ZCCHC7: variants seen among roughly 807,000 people sequenced by gnomAD.
ZCCHC7 encodes the protein zinc finger CCHC domain-containing protein 7.
In ZCCHC7, 35 loss-of-function variants were observed where a neutral mutation model predicts 52.0. The observed-to-expected ratio is 0.67, with a 90% confidence interval of 0.51 to 0.89. The LOEUF is 0.89. Ranked by LOEUF, ZCCHC7 falls within the 40% of genes least tolerant of loss-of-function variation. ZCCHC7 has a pLI of 0.00. For missense variants in ZCCHC7, 574 were observed against 649.1 expected (o/e 0.88, Z 1.26); for synonymous variants, 217 against 221.5 (o/e 0.98, Z 0.18).
At chr9:37,152,475 G>T (rs1284981616) in intron 2 of ZCCHC7, among the ~76,000 whole-genome samples, 2 of 151,916 alleles carry the variant, frequency 1.3e-5, no homozygotes, top group African/African-American at 2.4e-5. Flanking sequence ...ATCCTGTTCA[G>T]GACACCACAT....
chr9:37,271,781 G>A (rs968015658), intron 2 of ZCCHC7, among the ~76,000 whole-genome samples: 8 of 152,112 alleles, frequency 5.3e-5, no homozygotes, highest in Non-Finnish European at 1.2e-4. Context: ...TGTTGGCCAG[G>A]CTGGTCTCAA....
At chr9:37,254,721 T>C (rs1826491801) in intron 2 of ZCCHC7, among the ~76,000 whole-genome samples, 1 of 151,970 alleles carries the variant, frequency 6.6e-6, no homozygotes, top group Non-Finnish European at 1.5e-5. Context: ...CCAAAATGCT[T>C]GGGACCAGAA....
chr9:37,137,999 T>C (rs1843070059), intron 2 of ZCCHC7, among the ~76,000 whole-genome samples: 1 of 152,206 alleles, frequency 6.6e-6, no homozygotes. Context: ...GGCCACATGC[T>C]AGAATTCCAG....
In ZCCHC7 at chr9:37,320,016, G is replaced by C. The variant is rs1291499164; in HGVS notation, c.952-7783G>C. ...ATATGTCTTGTTGCCAATGCCATATGGTCTTGATTACTATAGTTTTATAGT... is the reference window on the plus strand; with the variant it reads ...ATATGTCTTGTTGCCAATGCCATATCGTCTTGATTACTATAGTTTTATAGT... On this transcript the variant is annotated intron_variant, in intron 5 of 8. Coordinates refer to ENST00000336755, the MANE Select transcript of ZCCHC7 (RefSeq NM_032226.3). 2.0e-5 allele frequency among the ~76,000 whole-genome samples: 3 copies of C among 152,244 alleles called. No homozygotes were observed. The South Asian group carries it at 6.2e-4, about 32-fold the overall frequency.
chr9:37,257,827 C>T (rs1826663992), intron 2 of ZCCHC7, among the ~76,000 whole-genome samples: 1 of 152,172 alleles, frequency 6.6e-6, no homozygotes, highest in Non-Finnish European at 1.5e-5. Context: ...CCTGAGCCCT[C>T]ACTAGAAGCT....
chr9:37,120,386 C>T (rs996627251), upstream of ZCCHC7, among the ~76,000 whole-genome samples: 1 of 152,210 alleles, frequency 6.6e-6, no homozygotes, highest in African/African-American at 2.4e-5. Context: ...GCAAGGAAGG[C>T]AAACCTAATA....
intron 2 of ZCCHC7, among the ~76,000 whole-genome samples, chr9:37,280,562 A>G (rs961421502): frequency 2.2e-4 from 33 of 152,210 alleles, no homozygotes; most frequent in African/African-American, 8.0e-4. Context: ...ATCAATAACA[A>G]AAAATCTGGA....
At chr9:37,196,741 T>G (rs1225240325) in intron 2 of ZCCHC7, among the ~76,000 whole-genome samples, 3 of 152,154 alleles carry the variant, frequency 2.0e-5, no homozygotes, top group Non-Finnish European at 4.4e-5. Context: ...TATATAAATA[T>G]TTGATTAAAA....
chr9:37,330,011 T>C (rs1830394245), intron 6 of ZCCHC7, among the ~76,000 whole-genome samples: 1 of 151,972 alleles, frequency 6.6e-6, no homozygotes, highest in Admixed American at 6.6e-5. Flanking sequence ...GAGATGTTTA[T>C]ATTTGGGAGC....
chr9:37,313,260 A>C (rs1224351685), intron 5 of ZCCHC7, among the ~76,000 whole-genome samples: 4 of 152,156 alleles, frequency 2.6e-5, no homozygotes, highest in Non-Finnish European at 4.4e-5. Flanking sequence ...AGGCTTACCA[A>C]ATGTTTATTT....
chr9:37,321,259 A>ATT (rs1830043141), intron 5 of ZCCHC7, among the ~76,000 whole-genome samples: 2 of 152,034 alleles, frequency 1.3e-5, no homozygotes, highest in African/African-American at 4.8e-5. Context: ...AAGTGCTGGG[A>ATT]TTACAGGCAT....
intron 2 of ZCCHC7, among the ~76,000 whole-genome samples, chr9:37,286,180 A>G (rs769899810): frequency 1.3e-5 from 2 of 152,226 alleles, no homozygotes; most frequent in South Asian, 2.1e-4. Flanking sequence ...GGGAGATTAT[A>G]TAGCATATTG....
Position 37,302,237 on chromosome 9 carries a change from A to C in ZCCHC7, c.654+6A>C. The C allele has an allele frequency of 6.3e-7, 1 of 1,599,610 alleles. No individual in the cohort carries two copies. Among genetic ancestry groups the C allele is most frequent in the South Asian group, 1.1e-5 (1 of 89,808 alleles). On this transcript the variant is annotated splice_donor_region_variant and intron_variant, in intron 3 of 8. Coordinates refer to ENST00000336755, the MANE Select transcript of ZCCHC7 (RefSeq NM_032226.3). ...TCAGTGACAAAGACATTGAGGTAAA[A>C]TCAAATTGTTTTTAAAATTCAGAAT...
intron 2 of ZCCHC7, among the ~76,000 whole-genome samples, chr9:37,171,256 G>A (rs1821711668): frequency 6.6e-6 from 1 of 152,040 alleles, no homozygotes; most frequent in Non-Finnish European, 1.5e-5. Flanking sequence ...TTAGAAGTGG[G>A]GTGAAGGTAA....
chr9:37,127,078 T>A (rs1337183164), intron 2 of ZCCHC7, 136 bp downstream of exon 2: 10 of 1,038,026 alleles, frequency 9.6e-6, no homozygotes, highest in African/African-American at 6.4e-5. Context: ...TTGTTTCTCA[T>A]GCGACTCTCT....
Position 37,349,500 on chromosome 9 carries a change from TG to T in ZCCHC7, c.1083+49del, listed in dbSNP as rs746465614. ...CATGAAGCATTCTGTTGTCAGGGAG[TG>T]TTTTCTGAAAGATGAACTCAAAAAG... On this transcript the variant is annotated intron_variant, in intron 7 of 8. Coordinates refer to ENST00000336755, the MANE Select transcript of ZCCHC7 (RefSeq NM_032226.3). 1.5e-5 allele frequency: 23 copies of T among 1,549,880 alleles called. No homozygotes were observed. The African/African-American group carries it at 2.5e-4, about 17-fold the overall frequency.
rs1427046005 is a variant in ZCCHC7, at chr9:37,241,902, T to C, written c.611-60286T>C. ...ATAAAATGTTTATCCCCTAAGTCAGTAGTGGCTCATCAGCTTAGGATCATT... is the reference window on the plus strand; with the variant it reads ...ATAAAATGTTTATCCCCTAAGTCAGCAGTGGCTCATCAGCTTAGGATCATT... On this transcript the variant is annotated intron_variant, in intron 2 of 8. Transcript: ENST00000336755. Among the ~76,000 whole-genome samples the C allele has an allele frequency of 2.6e-5, 4 of 151,830 alleles. No homozygotes were observed. In the East Asian group the frequency reaches 7.7e-4, roughly 29 times the overall value.
chr9:37,298,120 CTAAA>C lies in ZCCHC7; in HGVS notation c.611-4066_611-4063del, dbSNP rs1047473907. The stretch of plus-strand genomic sequence containing the variant: ...ATAATGGACAGGGTTGCTTTGAAGA[CTAAA>C]TGATGTTTAAAGCAATTTATAGCCC... On this transcript the variant is annotated intron_variant, in intron 2 of 8. Transcript: ENST00000336755. Among the ~76,000 whole-genome samples, 8 of 152,292 alleles carry C rather than the reference CTAAA, an allele frequency of 5.3e-5. No individual in the cohort carries two copies. In the East Asian group the frequency reaches 1.5e-3, roughly 29 times the overall value.
intron 2 of ZCCHC7, among the ~76,000 whole-genome samples, chr9:37,274,453 C>T (rs572717116): frequency 1.3e-5 from 2 of 149,342 alleles, no homozygotes; most frequent in Non-Finnish European, 3.0e-5. Context: ...GATTCTCCTG[C>T]CTCAGCCTCC....
Sources: allele counts gnomAD v4.1 joint callset (sites outside exome capture counted in the v4.1 genomes callset), GRCh38; gene constraint gnomAD v4.1.1; transcripts MANE v1.5; gene names NCBI Gene and HGNC (gene_info 2026-07-23, HGNC 2026-07-21).